GSE1: variants seen among roughly 807,000 people sequenced by gnomAD.
GSE1 encodes the protein genetic suppressor element 1.
GSE1 carries 32 observed loss-of-function variants against 112.6 expected under a neutral mutation model. The observed-to-expected ratio is 0.28, with a 90% CI of 0.21 to 0.38. GSE1 has a LOEUF of 0.38. Ranked by LOEUF, GSE1 falls within the 10% of genes least tolerant of loss-of-function variation. The pLI is 1.00. For synonymous variants in GSE1, 1,115 were observed against 735.6 expected, an observed-to-expected ratio of 1.52 and a Z score of -8.35; for missense variants, 2,348 against 1,699.2, an observed-to-expected ratio of 1.38 and a Z score of -6.71.
chr16:85,510,693 C>T lies in GSE1; in HGVS notation c.2465-123221C>T, dbSNP rs553555815. ...GTTGTAGGAACCCTCCCACGGCTCC[C>T]ATGCATGAAGAGTGAAAGTCAGAGT... is the stretch of plus-strand genomic sequence containing the variant. On this transcript the variant is annotated intron_variant, in intron 2 of 2. Transcript: ENST00000637419. Among the ~76,000 whole-genome samples the T allele has an allele frequency of 8.5e-5, 13 of 152,312 alleles. 1 individual carries two copies. The Middle Eastern group carries it at 0.017, about 199-fold the overall frequency.
chr16:85,611,441 A>G (rs1385672917), upstream of GSE1: 4 of 984,416 alleles, frequency 4.1e-6, no homozygotes, highest in Non-Finnish European at 4.8e-6. Flanking sequence ...GCGTCCGGCC[A>G]AGGCCGCAAG....
rs1209864726 is a variant in GSE1, at chr16:85,676,048, C to T, written c.*3509C>T. ...ACCGGTGCCTCGGTCACTCTGGGGGCAGTTTAGATGCTGTGAAATTAAACC... is the reference window on the plus strand; with the variant it reads ...ACCGGTGCCTCGGTCACTCTGGGGGTAGTTTAGATGCTGTGAAATTAAACC... On this transcript the variant is annotated 3_prime_UTR_variant, in exon 16 of 16. Transcript: ENST00000253458. 6.6e-6 allele frequency: 1 copy of T among 152,578 alleles called. No homozygotes were observed. The highest frequency in any genetic ancestry group is 1.5e-5 in the Non-Finnish European group (1 of 68,018). 9.5% of individuals were successfully genotyped at this position (152,578 alleles called of 1,614,324 possible). A position where few individuals can be genotyped will look rare whatever the true frequency, so the allele number is the denominator to read the frequency against.
intron 1 of GSE1, among the ~76,000 whole-genome samples, chr16:85,280,494 T>C (rs1163707577): frequency 1.3e-5 from 2 of 152,128 alleles, no homozygotes; most frequent in Admixed American, 6.5e-5. Flanking sequence ...CTCCTGGGTT[T>C]AAGCGATTCT....
At chr16:85,578,372 C>T (rs1267377136) in intron 1 of GSE1, among the ~76,000 whole-genome samples, 10 of 152,246 alleles carry the variant, frequency 6.6e-5, no homozygotes. Context: ...ACGACAGAGG[C>T]ACAAGTCACT....
intron 2 of GSE1, among the ~76,000 whole-genome samples, chr16:85,531,109 G>A (rs1371683430): frequency 1.3e-5 from 2 of 152,240 alleles, no homozygotes; most frequent in Non-Finnish European, 2.9e-5. Flanking sequence ...TCAGACCTCA[G>A]TGCAGGAGCT....
intron 1 of GSE1, among the ~76,000 whole-genome samples, chr16:85,220,119 C>T (rs541618961): frequency 1.3e-5 from 2 of 152,384 alleles, no homozygotes; most frequent in East Asian, 1.9e-4. Flanking sequence ...CTCGGCCCCT[C>T]ACCCTTTCTC....
chr16:85,488,601 G>A (rs1006998640), intron 2 of GSE1, among the ~76,000 whole-genome samples: 2 of 152,036 alleles, frequency 1.3e-5, no homozygotes, highest in Non-Finnish European at 2.9e-5. Context: ...TCAGGTTCTC[G>A]GTGAAAAGTG....
rs757939564 is a variant in GSE1 at position 85,404,822 on chromosome 16, A to AG, written c.2464+47181dup. Reference sequence around the variant, plus strand: ...CTGGATAATCCTCACTGTTACTCTCAGGCCCCCCTGGATAATCCTCACTGT... The same window carrying AG: ...CTGGATAATCCTCACTGTTACTCTCAGGGCCCCCCTGGATAATCCTCACTGT... On this transcript the variant is annotated intron_variant, in intron 2 of 2. Coordinates refer to the GSE1 transcript ENST00000637419. Among the ~76,000 whole-genome samples the AG allele has an allele frequency of 4.9e-3, 59 of 12,038 alleles. 1 individual carries two copies. Among genetic ancestry groups the AG allele is most frequent in the South Asian group, 0.011 (2 of 182 alleles). The allele number at this position is 12,038 out of a possible 152,430, so 7.9% of individuals were successfully genotyped here.
chr16:85,623,655 C>CGT (rs879598280), intron 1 of GSE1, among the ~76,000 whole-genome samples: 4 of 152,188 alleles, frequency 2.6e-5, no homozygotes, highest in Non-Finnish European at 4.4e-5. Flanking sequence ...AGGCACACTG[C>CGT]GCCTTCTGAC....
At position 85,575,053 on chromosome 16, in the gene GSE1, C is replaced by A. The variant is rs577359972; in HGVS notation, c.37+18690C>A. ...GCGGCTCCCCGCTCCCCCTCTCCCC[C>A]GCCCCCCGGCTTTTTACGCTCCAGT... On this transcript the variant is annotated intron_variant, in intron 1 of 2. Coordinates refer to the GSE1 transcript ENST00000635906. 9.4e-4 allele frequency among the ~76,000 whole-genome samples: 143 copies of A among 152,174 alleles called. 1 individual carries two copies. The highest frequency in any genetic ancestry group is 3.3e-3 in the African/African-American group (136 of 41,548).
chr16:85,594,232 T>C (rs1389527702), intron 1 of GSE1: 1 of 6,596 alleles, frequency 1.5e-4, no homozygotes, highest in Admixed American at 1.9e-3. Context: ...CCCTGGGGGG[T>C]TGGGGGGGGG....
intron 2 of GSE1, among the ~76,000 whole-genome samples, chr16:85,487,520 C>G (rs8056129): frequency 0.048 from 7,235 of 152,214 alleles, 547 homozygotes; most frequent in African/African-American, 0.16. Flanking sequence ...CCACATTATT[C>G]CCCTTATTTC....
chr16:85,624,851 C>G (rs1265002968), intron 1 of GSE1, among the ~76,000 whole-genome samples: 1 of 152,226 alleles, frequency 6.6e-6, no homozygotes, highest in Non-Finnish European at 1.5e-5. Context: ...GGCGGAGGGG[C>G]TGGGAATCGG....
intron 2 of GSE1, among the ~76,000 whole-genome samples, chr16:85,643,049 G>C (rs2050572756): frequency 6.6e-6 from 1 of 152,206 alleles, no homozygotes. Flanking sequence ...CTGGGTGGCT[G>C]ACAGGTGCTG....
At chr16:85,249,094 A>G (rs1305979849) in intron 1 of GSE1, among the ~76,000 whole-genome samples, 2 of 152,242 alleles carry the variant, frequency 1.3e-5, no homozygotes, top group African/African-American at 4.8e-5. Flanking sequence ...TTCATGTTCC[A>G]AGTCCACAAA....
intron 1 of GSE1, among the ~76,000 whole-genome samples, chr16:85,251,145 C>T (rs1335820979): frequency 6.6e-6 from 1 of 152,230 alleles, no homozygotes; most frequent in African/African-American, 2.4e-5. Flanking sequence ...GCGTCTCCAT[C>T]CCCTCAGACA....
chr16:85,208,241 T>C (rs562599958), intron 1 of GSE1, among the ~76,000 whole-genome samples: 1 of 152,236 alleles, frequency 6.6e-6, no homozygotes, highest in African/African-American at 2.4e-5. Flanking sequence ...GTTCTTGAGC[T>C]CCGGATGGAG....
At chr16:85,333,810 G>A (rs899806793) in intron 1 of GSE1, among the ~76,000 whole-genome samples, 14 of 152,054 alleles carry the variant, frequency 9.2e-5, no homozygotes, top group African/African-American at 3.4e-4. Flanking sequence ...CCCTCAGGGG[G>A]CCCCAAGCTG....
At chr16:85,627,352 C>G (rs1347875998) in intron 1 of GSE1, among the ~76,000 whole-genome samples, 1 of 151,966 alleles carries the variant, frequency 6.6e-6, no homozygotes, top group Non-Finnish European at 1.5e-5. Flanking sequence ...CTGTCTAGAC[C>G]AGGTGGGTTC....
Sources: allele counts gnomAD v4.1 joint callset (sites outside exome capture counted in the v4.1 genomes callset), GRCh38; gene constraint gnomAD v4.1.1; transcripts MANE v1.5; gene names NCBI Gene and HGNC (gene_info 2026-07-23, HGNC 2026-07-21).